The following RHOJ variants were observed in gnomAD, a reference collection of about 807,000 sequenced individuals.
The protein encoded by RHOJ is rho-related GTP-binding protein RhoJ.
RHOJ carries 11 observed loss-of-function variants against 23.4 expected under a neutral mutation model. That is an observed-to-expected ratio of 0.47 (90% CI 0.30 to 0.78). The LOEUF is 0.78. Among genes scored for constraint, RHOJ ranks in the 30% least tolerant of loss-of-function variants. The pLI, the probability that RHOJ is intolerant of heterozygous loss-of-function variation, is 0.08. For missense variants in RHOJ, 254 were observed against 273.4 expected (o/e 0.93, Z 0.50); for synonymous variants, 102 against 102.7 (o/e 0.99, Z 0.04).
At chr14:63,208,588 G>A (rs991295813) in intron 1 of RHOJ, among the ~76,000 whole-genome samples, 11 of 152,004 alleles carry the variant, frequency 7.2e-5, no homozygotes, top group Non-Finnish European at 2.9e-5. Flanking sequence ...TTTCTGGGAT[G>A]CCACATTCTC....
intron 1 of RHOJ, among the ~76,000 whole-genome samples, chr14:63,261,375 C>G (rs1321459812): frequency 6.6e-6 from 1 of 151,994 alleles, no homozygotes; most frequent in African/African-American, 2.4e-5. Flanking sequence ...TTCTATAGGA[C>G]AGTAATCAGT....
chr14:63,276,273 G>A (rs1253580571), intron 2 of RHOJ, among the ~76,000 whole-genome samples: 1 of 152,194 alleles, frequency 6.6e-6, no homozygotes, highest in Non-Finnish European at 1.5e-5. Flanking sequence ...CCCAGGTGAT[G>A]CCCATGCTGC....
intron 1 of RHOJ, among the ~76,000 whole-genome samples, chr14:63,207,632 A>C (rs1482570919): frequency 6.6e-6 from 1 of 152,164 alleles, no homozygotes; most frequent in Admixed American, 6.5e-5. Context: ...TAACTGCCCA[A>C]CCCAGAAAAG....
At chr14:63,225,615 A>C (rs983479406) in intron 1 of RHOJ, among the ~76,000 whole-genome samples, 2 of 152,196 alleles carry the variant, frequency 1.3e-5, no homozygotes, top group African/African-American at 4.8e-5. Context: ...AATGGGAAAC[A>C]AAAACACAAA....
chr14:63,237,061 T>C (rs1345898830), intron 1 of RHOJ, among the ~76,000 whole-genome samples: 1 of 152,160 alleles, frequency 6.6e-6, no homozygotes, highest in Non-Finnish European at 1.5e-5. Context: ...TTTTCCTGAA[T>C]ATTTTTGATC....
chr14:63,289,658 T>C (rs1461756170), intron 4 of RHOJ, among the ~76,000 whole-genome samples: 1 of 152,246 alleles, frequency 6.6e-6, no homozygotes, highest in African/African-American at 2.4e-5. Context: ...CTAAATATGG[T>C]CTGCCCTGGT....
rs145064217 is a variant in RHOJ at position 63,280,092 on chromosome 14, C to T, written c.238-879C>T. On this transcript the variant is annotated intron_variant, in intron 2 of 4. Coordinates refer to ENST00000316754, the MANE Select transcript of RHOJ (RefSeq NM_020663.5). The stretch of plus-strand genomic sequence containing the variant: ...AGGCTGGAGTACAGTGGCATGATCA[C>T]GGCTCACTGCAGCTTCAAACTCCCA... Among the ~76,000 whole-genome samples the T allele has an allele frequency of 9.4e-4, 143 of 152,164 alleles. 1 individual carries two copies. Among genetic ancestry groups the T allele is most frequent in the Middle Eastern group, 3.4e-3 (1 of 294 alleles).
chr14:63,210,161 C>T (rs1485846837), intron 1 of RHOJ, among the ~76,000 whole-genome samples: 1 of 151,934 alleles, frequency 6.6e-6, no homozygotes. Context: ...GGGGTTTCAC[C>T]ATGTTGGCCA....
chr14:63,289,644 A>C (rs560977673), intron 4 of RHOJ, among the ~76,000 whole-genome samples: 51 of 152,344 alleles, frequency 3.3e-4, no homozygotes, highest in Admixed American at 7.2e-4. Flanking sequence ...CAAGAAGCTG[A>C]CTGCTAAATA....
At chr14:63,282,998 C>G in intron 3 of RHOJ, 123 bp from the exon 4 acceptor site, 1 of 724,096 alleles carries the variant, frequency 1.4e-6, no homozygotes, top group Non-Finnish European at 2.3e-6. Flanking sequence ...AATCTGCTTC[C>G]TTAAAGAAAA....
chr14:63,236,102 C>G (rs935253141), intron 1 of RHOJ, among the ~76,000 whole-genome samples: 1 of 152,204 alleles, frequency 6.6e-6, no homozygotes, highest in Non-Finnish European at 1.5e-5. Flanking sequence ...ACCTTCCTTT[C>G]TACATCCTCT....
At chr14:63,262,352 C>A (rs915706575) in intron 1 of RHOJ, among the ~76,000 whole-genome samples, 1 of 152,182 alleles carries the variant, frequency 6.6e-6, no homozygotes, top group Non-Finnish European at 1.5e-5. Context: ...ACTTAGACTT[C>A]ATTAGCATCT....
intron 4 of RHOJ, among the ~76,000 whole-genome samples, chr14:63,285,282 CAGAGTGAGGAT>C (rs1416400886): frequency 3.3e-5 from 5 of 152,134 alleles, no homozygotes; most frequent in Non-Finnish European, 7.4e-5. Context: ...TAGCAAGTGG[CAGAGTGAGGAT>C]AGAAAACTGT....
At chr14:63,254,942 T>C (rs543518586) in intron 1 of RHOJ, among the ~76,000 whole-genome samples, 1 of 152,270 alleles carries the variant, frequency 6.6e-6, no homozygotes, top group African/African-American at 2.4e-5. Flanking sequence ...TACTGAAATA[T>C]TGGACTGAAC....
Position 63,269,598 on chromosome 14 carries a change from T to C in RHOJ, c.237+430T>C, listed in dbSNP as rs112927856. Among the ~76,000 whole-genome samples the C allele has an allele frequency of 1.2e-3, 177 of 152,042 alleles. 1 individual carries two copies. The highest frequency in any genetic ancestry group is 4.1e-3 in the African/African-American group (170 of 41,464). Reference sequence around the variant, plus strand: ...AACTGTGAAAAGGCCCAAAAAGAGATTGGTGGGGGTGAGGGGAGGAGAGAG... The same window carrying C: ...AACTGTGAAAAGGCCCAAAAAGAGACTGGTGGGGGTGAGGGGAGGAGAGAG... On this transcript the variant is annotated intron_variant, in intron 2 of 4. Transcript: ENST00000316754.
intron 1 of RHOJ, among the ~76,000 whole-genome samples, chr14:63,234,242 A>T (rs924619842): frequency 1.3e-5 from 2 of 152,198 alleles, no homozygotes; most frequent in African/African-American, 4.8e-5. Flanking sequence ...TGGGTCAAGC[A>T]TACAGTGGGT....
chr14:63,240,247 C>A (rs1329613188), intron 1 of RHOJ, among the ~76,000 whole-genome samples: 1 of 152,060 alleles, frequency 6.6e-6, no homozygotes, highest in African/African-American at 2.4e-5. Context: ...CTGGAATAGC[C>A]TAAGTGTAGT....
intron 1 of RHOJ, among the ~76,000 whole-genome samples, chr14:63,256,915 T>C (rs1895176624): frequency 6.6e-6 from 1 of 151,676 alleles, no homozygotes; most frequent in Non-Finnish European, 1.5e-5. Flanking sequence ...CTACTAACAA[T>C]ACAAAAATTA....
At chr14:63,208,337 T>C (rs1894159278) in intron 1 of RHOJ, among the ~76,000 whole-genome samples, 1 of 152,202 alleles carries the variant, frequency 6.6e-6, no homozygotes, top group African/African-American at 2.4e-5. Context: ...AATTCCCTGT[T>C]CCATCTCCAA....
Sources: allele counts gnomAD v4.1 joint callset (sites outside exome capture counted in the v4.1 genomes callset), GRCh38; gene constraint gnomAD v4.1.1; transcripts MANE v1.5; gene names NCBI Gene and HGNC (gene_info 2026-07-23, HGNC 2026-07-21).